Variants in SMIM14 observed in about 807,000 individuals in gnomAD.
SMIM14 encodes small integral membrane protein 14.
SMIM14 carries 5 observed loss-of-function variants against 12.6 expected under a neutral mutation model. The observed-to-expected ratio is 0.40, with a 90% CI of 0.21 to 0.83. The LOEUF (loss-of-function observed/expected upper bound fraction) is 0.83. Ranked by LOEUF, SMIM14 falls within the 40% of genes least tolerant of loss-of-function variation. The probability of loss-of-function intolerance (pLI) is 0.37; values close to 1 mark genes in which losing one functional copy is unlikely to be tolerated. For synonymous variants in SMIM14, 30 were observed against 40.1 expected, an observed-to-expected ratio of 0.75 and a Z score of 0.95; for missense variants, 86 against 119.1, an observed-to-expected ratio of 0.72 and a Z score of 1.29.
chr4:39,561,745 GCCATCTCTACCAAAGC>G (rs1712318694), intron 3 of SMIM14, among the ~76,000 whole-genome samples: 1 of 151,924 alleles, frequency 6.6e-6, no homozygotes, highest in African/African-American at 2.4e-5. Flanking sequence ...CATGGTGTTG[GCCATCTCTACCAAAGC>G]CCATCTCTAC....
intron 2 of SMIM14, chr4:39,593,802 G>A (rs1445872653): frequency 6.6e-6 from 1 of 151,996 alleles, no homozygotes; most frequent in African/African-American, 2.4e-5. Flanking sequence ...CCCATTCACA[G>A]TTGCTTCAAA....
At chr4:39,611,853 A>G (rs1715047821) in intron 1 of SMIM14, 1 of 152,214 alleles carries the variant, frequency 6.6e-6, no homozygotes, top group African/African-American at 2.4e-5. Context: ...GTTAGAAAGA[A>G]TAAGGTAGAT....
At chr4:39,573,447 T>TCATACA (rs752131223) in intron 2 of SMIM14, among the ~76,000 whole-genome samples, 5 of 152,142 alleles carry the variant, frequency 3.3e-5, no homozygotes, top group Non-Finnish European at 7.3e-5. Flanking sequence ...ATCTTCAAAA[T>TCATACA]CATACACAAA....
At chr4:39,607,087 A>T (rs1003342495) in intron 1 of SMIM14, among the ~76,000 whole-genome samples, 8 of 152,176 alleles carry the variant, frequency 5.3e-5, no homozygotes, top group African/African-American at 1.9e-4. Flanking sequence ...GGACCATTTG[A>T]GCCCAAGAGT....
intron 1 of SMIM14, among the ~76,000 whole-genome samples, chr4:39,609,963 T>C (rs911124186): frequency 2.6e-5 from 4 of 152,218 alleles, no homozygotes; most frequent in Non-Finnish European, 5.9e-5. Flanking sequence ...TCATTCCTTA[T>C]GCCAAAATAA....
intron 2 of SMIM14, among the ~76,000 whole-genome samples, chr4:39,574,525 G>C (rs1713069785): frequency 6.6e-6 from 1 of 152,150 alleles, no homozygotes; most frequent in South Asian, 2.1e-4. Context: ...TTACAGGCGT[G>C]AGCCACAGCA....
At chr4:39,567,377 G>T (rs1712632353) in intron 3 of SMIM14, among the ~76,000 whole-genome samples, 1 of 152,130 alleles carries the variant, frequency 6.6e-6, no homozygotes, top group African/African-American at 2.4e-5. Flanking sequence ...GCCAAGGCAG[G>T]TGGACTGCTT....
intron 2 of SMIM14, among the ~76,000 whole-genome samples, chr4:39,590,022 CAAAAAAAAA>C (rs34159677): frequency 7.0e-5 from 5 of 71,354 alleles, no homozygotes; most frequent in African/African-American, 1.7e-4. Context: ...GACTCTGTTT[CAAAAAAAAA>C]AAAAAAAAAA....
rs577262835 is a variant in SMIM14 at position 39,559,763 on chromosome 4, G to C, written c.125-3193C>G. 6.0e-4 allele frequency among the ~76,000 whole-genome samples: 92 copies of C among 152,202 alleles called. 1 individual carries two copies. The highest frequency in any genetic ancestry group is 4.3e-3 in the Admixed American group (65 of 15,264). On this transcript the variant is annotated intron_variant, in intron 3 of 4. Transcript: ENST00000295958. Reference sequence around the variant, plus strand: ...ATATATATTAAAAAGAGCTGAGCTGGCCTAAGAGCAGGATGGATAGGAATG... The same window carrying C: ...ATATATATTAAAAAGAGCTGAGCTGCCCTAAGAGCAGGATGGATAGGAATG...
intron 1 of SMIM14, among the ~76,000 whole-genome samples, chr4:39,608,784 G>A (rs1560302769): frequency 6.6e-6 from 1 of 152,176 alleles, no homozygotes. Context: ...GGTTAAAACT[G>A]CAAATTTTGT....
chr4:39,630,577 T>C (rs534494540), intron 1 of SMIM14, among the ~76,000 whole-genome samples: 128 of 152,118 alleles, frequency 8.4e-4, no homozygotes, highest in African/African-American at 3.0e-3. Context: ...AAAGCAATTA[T>C]TGGGCCAGGC....
chr4:39,556,060 A>G (rs1711993772), intron 4 of SMIM14, among the ~76,000 whole-genome samples: 1 of 151,976 alleles, frequency 6.6e-6, no homozygotes, highest in African/African-American at 2.4e-5. Flanking sequence ...TGTGGTCCCA[A>G]CTACTTGGGA....
intron 3 of SMIM14, among the ~76,000 whole-genome samples, chr4:39,560,974 G>A (rs1712282144): frequency 6.6e-6 from 1 of 151,770 alleles, no homozygotes; most frequent in South Asian, 2.1e-4. Flanking sequence ...GCCTCTTAAG[G>A]GATCTCCCTA....
intron 3 of SMIM14, 77 bp downstream of exon 3, chr4:39,572,338 C>A: frequency 1.1e-5 from 4 of 375,504 alleles, no homozygotes; most frequent in Admixed American, 5.1e-5. Flanking sequence ...AGAATAAATT[C>A]TGACAAATAT....
At chr4:39,611,765 A>ACC (rs1715044606) in intron 1 of SMIM14, among the ~76,000 whole-genome samples, 1 of 152,236 alleles carries the variant, frequency 6.6e-6, no homozygotes, top group Non-Finnish European at 1.5e-5. Context: ...GTAACAGCAA[A>ACC]GAAAAAAGTA....
intron 3 of SMIM14, among the ~76,000 whole-genome samples, chr4:39,571,977 T>C (rs1245172620): frequency 6.6e-6 from 1 of 151,962 alleles, no homozygotes; most frequent in Non-Finnish European, 1.5e-5. Context: ...CTAATTTTTG[T>C]ATTTTTTGTA....
chr4:39,629,880 G>A (rs1715839446), intron 1 of SMIM14, among the ~76,000 whole-genome samples: 3 of 152,046 alleles, frequency 2.0e-5, no homozygotes, highest in Admixed American at 2.0e-4. Context: ...CCCCACCTCA[G>A]CCTTCCAAAT....
At chr4:39,609,039 T>C (rs1714919334) in intron 1 of SMIM14, among the ~76,000 whole-genome samples, 1 of 152,118 alleles carries the variant, frequency 6.6e-6, no homozygotes, top group Non-Finnish European at 1.5e-5. Context: ...TGCAGTGTCA[T>C]GATCTCGGCT....
chr4:39,556,589 T>G lies in SMIM14; in HGVS notation c.125-19A>C. 2 of 1,574,980 alleles carry G rather than the reference T, an allele frequency of 1.3e-6. No individual in the cohort carries two copies. Among genetic ancestry groups the G allele is most frequent in the Non-Finnish European group, 1.7e-6 (2 of 1,165,720 alleles). ...CCCGGTACTAAAGACAAACAAAAAA[T>G]GTAGCATGCTCACAATATTGTTAAA... On this transcript the variant is annotated intron_variant, in intron 3 of 4. Coordinates refer to ENST00000295958, the MANE Select transcript of SMIM14 (RefSeq NM_174921.3).
Sources: allele counts gnomAD v4.1 joint callset (sites outside exome capture counted in the v4.1 genomes callset), GRCh38; gene constraint gnomAD v4.1.1; transcripts MANE v1.5; gene names NCBI Gene and HGNC (gene_info 2026-07-23, HGNC 2026-07-21).